Variants in ABCA13 observed in about 807,000 individuals in gnomAD.
The protein encoded by ABCA13 is ATP binding cassette subfamily A member 13.
In ABCA13, 476 loss-of-function variants were observed where a neutral mutation model predicts 478.7. The observed-to-expected ratio is 0.99, with a 90% CI of 0.92 to 1.07. The LOEUF (loss-of-function observed/expected upper bound fraction) is 1.07, where lower values mean the gene tolerates loss of function less well. Ranked by LOEUF, ABCA13 falls within the 50% of genes least tolerant of loss-of-function variation. The pLI, the probability that ABCA13 is intolerant of heterozygous loss-of-function variation, is 0.00. For missense variants in ABCA13, 6,060 were observed against 5,910.6 expected (o/e 1.03, Z -0.83); for synonymous variants, 2,252 against 2,158.9 (o/e 1.04, Z -1.20).
rs758004614 is a variant in ABCA13, at chr7:48,389,142, A to G, written c.11576A>G (p.Gln3859Arg). Residue 3859 changes from glutamine (Q) to arginine (R), a missense_variant, in exon 37 of 62, where the codon CAA becomes CGA. Transcript: ENST00000435803. ...TATGAGGGCCACAAGGCTGTGGTCC[A>G]AGACCTCAGCCTGACCTTCTACAGA... ...KEYEGHKAVV[Q>R]DLSLTFYRDQ... 5.2e-5 allele frequency: 84 copies of G among 1,613,848 alleles called. 1 individual carries two copies. The highest frequency in any genetic ancestry group is 6.9e-5 in the Non-Finnish European group (81 of 1,179,862).
In ABCA13 at chr7:48,273,888, T is replaced by C. The variant is rs1225339763; in HGVS notation, c.4222T>C (p.Ser1408Pro). The C allele has an allele frequency of 1.9e-6, 3 of 1,612,924 alleles. No homozygotes were observed. The highest frequency in any genetic ancestry group is 1.1e-5 in the South Asian group (1 of 91,008). Reference protein sequence around the residue: ...LDVINHLYLLSNSSFSQGHLQ... With the variant: ...LDVINHLYLLPNSSFSQGHLQ... Reference sequence around the variant, plus strand: ...TGTCATAAACCATTTGTATTTGTTGTCTAACTCCAGTTTTTCACAAGGTCA... The same window carrying C: ...TGTCATAAACCATTTGTATTTGTTGCCTAACTCCAGTTTTTCACAAGGTCA... The change falls in exon 17 of 62, where the codon TCT (serine) becomes CCT (proline). Residue 1408 changes from serine to proline, a missense_variant. By Grantham distance (74) the Ser-to-Pro change is moderately conservative (BLOSUM62 -1). Around this residue, in one of 3 missense-constraint regions of ABCA13, gnomAD observed 4,423 missense variants for 4,309.1 expected, o/e 1.03. Transcript: ENST00000435803.
rs76642884 is a variant in ABCA13 at position 48,370,532 on chromosome 7, C to T, written c.10804-1636C>T. Among the ~76,000 whole-genome samples the T allele has an allele frequency of 6.6e-3, 1,003 of 152,054 alleles. 11 individuals carry two copies. Among genetic ancestry groups the T allele is most frequent in the African/African-American group, 0.023 (957 of 41,490 alleles). The stretch of plus-strand genomic sequence containing the variant: ...CAGTATAATGTTGGCTGTGGGTTTG[C>T]CATATACGGCTCAGACCATAGTGAA... On this transcript the variant is annotated intron_variant, in intron 32 of 61. Coordinates refer to ENST00000435803, the MANE Select transcript of ABCA13 (RefSeq NM_152701.5).
chr7:48,606,217 G>A (rs754254696), intron 58 of ABCA13, among the ~76,000 whole-genome samples: 38 of 152,114 alleles, frequency 2.5e-4, no homozygotes, highest in Non-Finnish European at 3.2e-4. Context: ...ACTTCTGTCC[G>A]TTCGTCAAAC....
chr7:48,327,751 A>T (rs1804555117), intron 27 of ABCA13, among the ~76,000 whole-genome samples: 5 of 152,240 alleles, frequency 3.3e-5, no homozygotes, highest in Admixed American at 1.3e-4. Context: ...AGCTTCTTTC[A>T]CTATCATCAG....
chr7:48,218,580 C>T (rs1006740260), intron 3 of ABCA13, among the ~76,000 whole-genome samples: 1 of 152,110 alleles, frequency 6.6e-6, no homozygotes, highest in African/African-American at 2.4e-5. Context: ...GTTGAGTGTA[C>T]GTAGCAACCA....
At chr7:48,201,779 A>G (rs1214375517) in intron 3 of ABCA13, among the ~76,000 whole-genome samples, 1 of 152,220 alleles carries the variant, frequency 6.6e-6, no homozygotes, top group Non-Finnish European at 1.5e-5. Flanking sequence ...TGTGTCTGGA[A>G]TTGGTGGGTT....
At chr7:48,306,168 G>C (rs1243582406) in intron 23 of ABCA13, among the ~76,000 whole-genome samples, 2 of 152,214 alleles carry the variant, frequency 1.3e-5, no homozygotes, top group East Asian at 3.8e-4. Flanking sequence ...TGGGGCTGTG[G>C]CTTCTGTGCA....
intron 59 of ABCA13, among the ~76,000 whole-genome samples, chr7:48,633,596 G>C (rs1461668587): frequency 1.3e-5 from 2 of 151,936 alleles, no homozygotes; most frequent in East Asian, 3.9e-4. Context: ...TAAAAATTAG[G>C]CTGGGTGCGG....
intron 1 of ABCA13, among the ~76,000 whole-genome samples, chr7:48,173,418 G>A (rs1794419595): frequency 6.6e-6 from 1 of 152,218 alleles, no homozygotes. Context: ...TGTTGAATAA[G>A]TAAAAGAAGG....
intron 38 of ABCA13, among the ~76,000 whole-genome samples, chr7:48,396,254 C>T (rs1816814316): frequency 1.3e-5 from 2 of 152,248 alleles, no homozygotes; most frequent in African/African-American, 4.8e-5. Context: ...AGGAAAGAAG[C>T]CCCTTGTGGG....
At chr7:48,237,062 A>G (rs954137834) in intron 8 of ABCA13, among the ~76,000 whole-genome samples, 1 of 142,374 alleles carries the variant, frequency 7.0e-6, no homozygotes, top group African/African-American at 2.6e-5. Context: ...GGGGACTAGG[A>G]AATGAGTTTC....
intron 48 of ABCA13, among the ~76,000 whole-genome samples, chr7:48,490,549 A>G (rs1400888915): frequency 6.6e-6 from 1 of 152,216 alleles, no homozygotes; most frequent in East Asian, 1.9e-4. Context: ...CATGGTTCAC[A>G]GAGGGGAAGT....
chr7:48,432,417 C>A (rs934917304), intron 42 of ABCA13, among the ~76,000 whole-genome samples: 2 of 151,872 alleles, frequency 1.3e-5, no homozygotes, highest in African/African-American at 2.4e-5. Flanking sequence ...TATGAAAGTT[C>A]TTTAAAAAAT....
intron 3 of ABCA13, among the ~76,000 whole-genome samples, chr7:48,201,539 C>G (rs10232589): frequency 0.41 from 62,742 of 151,778 alleles, 13,278 homozygotes; most frequent in African/African-American, 0.5. Context: ...GGCCAACAGG[C>G]TGAAACCCTG....
chr7:48,207,498 G>A (rs1785075729), intron 3 of ABCA13, among the ~76,000 whole-genome samples: 1 of 152,120 alleles, frequency 6.6e-6, no homozygotes, highest in African/African-American at 2.4e-5. Context: ...CATTTTAACT[G>A]GGATGAGATC....
chr7:48,492,676 C>T (rs1829944480), intron 48 of ABCA13, among the ~76,000 whole-genome samples: 1 of 152,116 alleles, frequency 6.6e-6, no homozygotes. Flanking sequence ...TTGCCATGCC[C>T]TTGGACTTCC....
At chr7:48,595,697 G>T (rs1491002978) in intron 58 of ABCA13, among the ~76,000 whole-genome samples, 3 of 152,186 alleles carry the variant, frequency 2.0e-5, no homozygotes, top group Non-Finnish European at 4.4e-5. Context: ...GCACACAGAG[G>T]AGAGGAATGC....
intron 31 of ABCA13, among the ~76,000 whole-genome samples, chr7:48,354,662 A>C (rs1213740318): frequency 1.3e-5 from 2 of 152,078 alleles, no homozygotes; most frequent in African/African-American, 2.4e-5. Context: ...ACTCCTCAGA[A>C]GTATTGCTTT....
At chr7:48,173,998 GA>G (rs1430649272) in intron 1 of ABCA13, among the ~76,000 whole-genome samples, 1 of 152,170 alleles carries the variant, frequency 6.6e-6, no homozygotes, top group Non-Finnish European at 1.5e-5. Flanking sequence ...ACTCCAGGGG[GA>G]TAAAATGTGA....
Sources: gnomAD v4.1 joint callset for allele counts (sites outside exome capture counted in the v4.1 genomes callset) on GRCh38, gnomAD v4.1.1 for gene constraint, gnomAD v4.1.1 regional missense constraint, MANE v1.5 for transcripts, NCBI Gene and HGNC (gene_info 2026-07-23, HGNC 2026-07-21) for gene names.